The following CYP2C19 variants were observed in gnomAD, a reference collection of about 807,000 sequenced individuals.
The protein encoded by CYP2C19 is cytochrome P450 family 2 subfamily C member 19.
Under a neutral mutation model 40.9 loss-of-function variants are expected in CYP2C19, and 59 were observed. The observed-to-expected ratio is 1.44, with a 90% CI of 1.17 to 1.79. The LOEUF is 1.79. Ranked by LOEUF, CYP2C19 falls within the 40% of genes most tolerant of loss-of-function variation. The probability of loss-of-function intolerance (pLI) is 0.00; values close to 1 mark genes in which losing one functional copy is unlikely to be tolerated. For missense variants in CYP2C19, 754 were observed against 596.9 expected, an observed-to-expected ratio of 1.26 and a Z score of -2.74; for synonymous variants, 253 against 208.7, an observed-to-expected ratio of 1.21 and a Z score of -1.83.
At chr10:94,831,064 A>G (rs549284660) in intron 6 of CYP2C19, among the ~76,000 whole-genome samples, 2 of 152,208 alleles carry the variant, frequency 1.3e-5, no homozygotes, top group South Asian at 4.1e-4. Flanking sequence ...ATCCTTCTAC[A>G]CTTTATGTCC....
chr10:94,795,273 C>G (rs1308376636), intron 5 of CYP2C19, among the ~76,000 whole-genome samples: 1 of 151,052 alleles, frequency 6.6e-6, no homozygotes, highest in East Asian at 2.0e-4. Flanking sequence ...TTCTCCTTGC[C>G]ATAGTTTGCT....
intron 6 of CYP2C19, among the ~76,000 whole-genome samples, chr10:94,840,878 G>A (rs530002208): frequency 1.8e-4 from 28 of 152,298 alleles, no homozygotes; most frequent in African/African-American, 6.3e-4. Flanking sequence ...TGGTGGCCAC[G>A]CTAATCATTT....
chr10:94,788,287 A>T (rs1389985543), intron 5 of CYP2C19, among the ~76,000 whole-genome samples: 5 of 152,018 alleles, frequency 3.3e-5, no homozygotes, highest in African/African-American at 1.2e-4. Flanking sequence ...AAGGTTCTTT[A>T]GGGTTTTCTA....
intron 5 of CYP2C19, among the ~76,000 whole-genome samples, chr10:94,792,722 C>T (rs940427135): frequency 2.4e-4 from 36 of 152,226 alleles, no homozygotes; most frequent in Admixed American, 5.2e-4. Flanking sequence ...CTGAGAGATC[C>T]GCTGTTAGTC....
At position 94,777,958 on chromosome 10, in the gene CYP2C19, A is replaced by AAAC. The variant is rs1329319084; in HGVS notation, c.481+2431_481+2433dup. Among the ~76,000 whole-genome samples, 3 of 151,228 alleles carry AAAC rather than the reference A, an allele frequency of 2.0e-5. No individual in the cohort carries two copies. In the East Asian group the frequency reaches 5.9e-4, roughly 30 times the overall value. ...TAAACAAATTTACAAGAAAAAAAGA[A>AAAC]AACAACAACAACAAAAAAAAACTGC... On this transcript the variant is annotated intron_variant, in intron 3 of 8. Transcript: ENST00000371321.
At chr10:94,774,827 G>T in intron 1 of CYP2C19, 1 of 538,930 alleles carries the variant, frequency 1.9e-6, no homozygotes, top group Non-Finnish European at 3.3e-6. Flanking sequence ...TGGTGTGAGG[G>T]TTAATTGTAA....
intron 5 of CYP2C19, among the ~76,000 whole-genome samples, chr10:94,806,935 T>C (rs1848843506): frequency 6.6e-6 from 1 of 152,036 alleles, no homozygotes; most frequent in African/African-American, 2.4e-5. Context: ...TTTGAAAATA[T>C]ACAATAAAGT....
chr10:94,805,715 C>T (rs2134256377), intron 5 of CYP2C19, among the ~76,000 whole-genome samples: 1 of 152,260 alleles, frequency 6.6e-6, no homozygotes, highest in East Asian at 1.9e-4. Context: ...GAAACCCTGT[C>T]TCTACCAACA....
At position 94,849,795 on chromosome 10, in the gene CYP2C19, C is replaced by T. The variant is rs909592428; in HGVS notation, c.1150-122C>T. 5.2e-5 allele frequency: 63 copies of T among 1,211,746 alleles called. 2 individuals carry two copies. In the South Asian group the frequency reaches 6.1e-4, roughly 12 times the overall value. The allele number at this position is 1,211,746 out of a possible 1,614,324, so 75.1% of individuals were successfully genotyped here. A position where few individuals can be genotyped will look rare whatever the true frequency, so the allele number is the denominator to read the frequency against. ...GTCTATCTGTCTGGAAATGGTACTG[C>T]TCTTCTTTGGAATGGTGTTTCATCA... On this transcript the variant is annotated intron_variant, in intron 7 of 8. Coordinates refer to ENST00000371321, the MANE Select transcript of CYP2C19 (RefSeq NM_000769.4).
At chr10:94,838,853 A>G (rs1214414612) in intron 6 of CYP2C19, among the ~76,000 whole-genome samples, 5 of 152,132 alleles carry the variant, frequency 3.3e-5, no homozygotes, top group African/African-American at 1.2e-4. Flanking sequence ...TGGTGTTATA[A>G]TTTATACTTC....
Position 94,827,923 on chromosome 10 carries a change from C to T in CYP2C19, c.961+7286C>T, listed in dbSNP as rs1849257472. On this transcript the variant is annotated intron_variant, in intron 6 of 8. Transcript: ENST00000371321. ...TTTCTGCCTTCATTTCGTTATGTAC[C>T]CAGTAGTCATTCAGGAGCAGGTTGT... Among the ~76,000 whole-genome samples the T allele has an allele frequency of 3.3e-5, 5 of 151,596 alleles. No homozygotes were observed. In the South Asian group the frequency reaches 1.0e-3, roughly 32 times the overall value.
chr10:94,806,127 C>T (rs1417826465), intron 5 of CYP2C19, among the ~76,000 whole-genome samples: 2 of 151,778 alleles, frequency 1.3e-5, no homozygotes, highest in Non-Finnish European at 2.9e-5. Flanking sequence ...TGCTGGGTAC[C>T]TCATAGAAGT....
At position 94,775,499 on chromosome 10, in the gene CYP2C19, G is replaced by A. The variant is rs952732815; in HGVS notation, c.441G>A (p.Glu147=). The stretch of plus-strand genomic sequence containing the variant: ...GGAGCATTGAGGACCGTGTTCAAGA[G>A]GAAGCCCGCTGCCTTGTGGAGGAGT... ...GKRSIEDRVQ[E]EARCLVEELR... Residue 147 remains glutamate, a synonymous_variant, in exon 3 of 9, where the codon GAG becomes GAA. Coordinates refer to ENST00000371321, the MANE Select transcript of CYP2C19 (RefSeq NM_000769.4). The A allele has an allele frequency of 3.7e-6, 6 of 1,613,916 alleles. No individual in the cohort carries two copies. The highest frequency in any genetic ancestry group is 2.7e-5 in the African/African-American group (2 of 74,920).
rs769867246 is a variant in CYP2C19 at position 94,842,947 on chromosome 10, T to C, written c.1072T>C (p.Tyr358His). ...TDAVVHEVQRYIDLIPTSLPH... is the reference protein window; with the variant it reads ...TDAVVHEVQRHIDLIPTSLPH... Reference sequence around the variant, plus strand: ...TGCTGTGGTGCACGAGGTCCAGAGATACATCGACCTCATCCCCACCAGCCT... The same window carrying C: ...TGCTGTGGTGCACGAGGTCCAGAGACACATCGACCTCATCCCCACCAGCCT... The change falls in exon 7 of 9, where the codon TAC (tyrosine) becomes CAC (histidine). Residue 358 changes from tyrosine (Y) to histidine (H), a missense_variant. Transcript: ENST00000371321. 19 of 1,614,100 alleles carry C rather than the reference T, an allele frequency of 1.2e-5. No homozygotes were observed. In the Admixed American group the frequency reaches 3.0e-4, roughly 25 times the overall value.
At chr10:94,810,991 A>G (rs1204993806) in intron 5 of CYP2C19, among the ~76,000 whole-genome samples, 1 of 152,094 alleles carries the variant, frequency 6.6e-6, no homozygotes, top group Admixed American at 6.6e-5. Flanking sequence ...TTGATTTTAG[A>G]TCTTTCCTGC....
chr10:94,800,253 A>T (rs908824177), intron 5 of CYP2C19, among the ~76,000 whole-genome samples: 1 of 152,186 alleles, frequency 6.6e-6, no homozygotes, highest in South Asian at 2.1e-4. Flanking sequence ...TCTTCTAACC[A>T]TCATGTCCCT....
intron 5 of CYP2C19, among the ~76,000 whole-genome samples, chr10:94,812,636 T>A (rs1214439200): frequency 6.6e-6 from 1 of 152,232 alleles, no homozygotes; most frequent in East Asian, 1.9e-4. Context: ...ATCTTGAATC[T>A]CTGATATCCT....
At position 94,778,329 on chromosome 10, in the gene CYP2C19, C is replaced by T. The variant is rs181713174; in HGVS notation, c.482-2170C>T. On this transcript the variant is annotated intron_variant, in intron 3 of 8. Coordinates refer to ENST00000371321, the MANE Select transcript of CYP2C19 (RefSeq NM_000769.4). ...CTCCCTCACGGTCAGAGAACAGCTG[C>T]GTTCAGCTATTCTCACCTGAAACTA... is the stretch of plus-strand genomic sequence containing the variant. 2.3e-3 allele frequency among the ~76,000 whole-genome samples: 348 copies of T among 152,244 alleles called. 2 individuals carry two copies. The highest frequency in any genetic ancestry group is 4.1e-3 in the Admixed American group (62 of 15,304).
intron 5 of CYP2C19, among the ~76,000 whole-genome samples, chr10:94,800,269 G>T (rs534325342): frequency 8.5e-5 from 13 of 152,306 alleles, no homozygotes; most frequent in Middle Eastern, 3.4e-3. Flanking sequence ...TCCCTCAGCT[G>T]CAGGTCTGTT....
Sources: gnomAD v4.1 joint callset for allele counts (sites outside exome capture counted in the v4.1 genomes callset) on GRCh38, gnomAD v4.1.1 for gene constraint, MANE v1.5 for transcripts, NCBI Gene and HGNC (gene_info 2026-07-23, HGNC 2026-07-21) for gene names.